The following ILKAP variants were observed in gnomAD, a reference collection of about 807,000 sequenced individuals.
ILKAP encodes integrin-linked kinase-associated serine/threonine phosphatase 2C.
ILKAP carries 11 observed loss-of-function variants against 49.1 expected under a neutral mutation model. That is an observed-to-expected ratio of 0.22 (90% confidence interval 0.14 to 0.37). ILKAP has a LOEUF of 0.37. Ranked by LOEUF, ILKAP falls within the 10% of genes least tolerant of loss-of-function variation. The pLI is 1.00. For synonymous variants in ILKAP, 186 were observed against 192.8 expected (o/e 0.96, Z 0.29); for missense variants, 363 against 510.8 (o/e 0.71, Z 2.79).
At chr2:238,182,260 AGTTAAC>A (rs1163104027) in intron 8 of ILKAP, 74 bp from the exon 9 acceptor site, 1 of 1,552,640 alleles carries the variant, frequency 6.4e-7, no homozygotes, top group East Asian at 2.3e-5. Flanking sequence ...TGAAAAAAAC[AGTTAAC>A]AATGGAGTTT....
intron 10 of ILKAP, among the ~76,000 whole-genome samples, chr2:238,172,885 T>A (rs1487825258): frequency 1.3e-5 from 2 of 152,170 alleles, no homozygotes; most frequent in African/African-American, 2.4e-5. Context: ...CCAGGGCTGC[T>A]GCACCGCTGC....
At chr2:238,199,168 C>T (rs759376970) in intron 1 of ILKAP, among the ~76,000 whole-genome samples, 2 of 152,228 alleles carry the variant, frequency 1.3e-5, no homozygotes, top group Non-Finnish European at 2.9e-5. Context: ...CTCCAACAGC[C>T]ACACATGGGA....
intron 9 of ILKAP, among the ~76,000 whole-genome samples, chr2:238,180,314 C>T (rs1055959705): frequency 6.6e-6 from 1 of 152,208 alleles, no homozygotes; most frequent in African/African-American, 2.4e-5. Context: ...TATTAGATAA[C>T]TTAACCTAAG....
At position 238,172,760 on chromosome 2, in the gene ILKAP, C is replaced by A. The variant is rs147630058; in HGVS notation, c.956+774G>T. On this transcript the variant is annotated intron_variant, in intron 10 of 11. Coordinates refer to ENST00000254654, the MANE Select transcript of ILKAP (RefSeq NM_030768.3). ...GCAGCACTCGGAGGCCCACTCGCCA[C>A]AGTGCCACTAGTGTCTCTGGCCTCC... is the stretch of plus-strand genomic sequence containing the variant. 4.9e-3 allele frequency among the ~76,000 whole-genome samples: 752 copies of A among 152,352 alleles called. 7 individuals carry two copies. Among genetic ancestry groups the A allele is most frequent in the Non-Finnish European group, 9.3e-3 (632 of 68,032 alleles).
intron 1 of ILKAP, among the ~76,000 whole-genome samples, chr2:238,203,247 G>C (rs1694651506): frequency 1.3e-5 from 2 of 151,028 alleles, no homozygotes; most frequent in Admixed American, 1.3e-4. Flanking sequence ...CCGTGGCCAC[G>C]ACGGCTCGGC....
intron 1 of ILKAP, among the ~76,000 whole-genome samples, chr2:238,198,567 T>G (rs763161065): frequency 5.9e-5 from 9 of 152,128 alleles, no homozygotes; most frequent in Non-Finnish European, 1.3e-4. Context: ...TAAACTGAAA[T>G]TCAAAGCATT....
At chr2:238,171,658 G>A (rs1461545286) in intron 10 of ILKAP, among the ~76,000 whole-genome samples, 2 of 152,146 alleles carry the variant, frequency 1.3e-5, no homozygotes, top group East Asian at 3.8e-4. Flanking sequence ...ATAAAAACAT[G>A]GGTGTTATGG....
intron 9 of ILKAP, among the ~76,000 whole-genome samples, chr2:238,174,604 G>C (rs1397294474): frequency 3.3e-5 from 5 of 152,206 alleles, no homozygotes; most frequent in Non-Finnish European, 7.3e-5. Context: ...TGTCCTAAAG[G>C]CAGAATTCAG....
At position 238,198,402 on chromosome 2, in the gene ILKAP, C is replaced by T. The variant is rs79564474; in HGVS notation, c.56-3532G>A. On this transcript the variant is annotated intron_variant, in intron 1 of 11. Transcript: ENST00000254654. ...TACAGGCATACACCACCATGCCCAG[C>T]TAATTTTTTAACTTTTTGTAGAGAC... Among the ~76,000 whole-genome samples the T allele has an allele frequency of 6.4e-3, 967 of 150,540 alleles. 10 individuals are homozygous for T. Among genetic ancestry groups the T allele is most frequent in the African/African-American group, 0.023 (916 of 39,980 alleles).
chr2:238,198,550 T>C (rs1048708580), intron 1 of ILKAP, among the ~76,000 whole-genome samples: 1 of 152,192 alleles, frequency 6.6e-6, no homozygotes, highest in Non-Finnish European at 1.5e-5. Flanking sequence ...TTACATTCTA[T>C]TTTGAATAAA....
At chr2:238,189,670 T>C (rs1694042724) in intron 4 of ILKAP, 183 bp downstream of exon 4, 3 of 498,536 alleles carry the variant, frequency 6.0e-6, no homozygotes, top group South Asian at 2.4e-5. Flanking sequence ...CAGAGATAGA[T>C]GTACATGAAA....
rs1694058815 is a variant in ILKAP at position 238,190,049 on chromosome 2, C to T, written c.179-77G>A. 1.0e-5 allele frequency: 15 copies of T among 1,494,518 alleles called. No individual in the cohort carries two copies. The South Asian group carries it at 1.7e-4, about 17-fold the overall frequency. The allele number at this position is 1,494,518 out of a possible 1,614,324, so 92.6% of individuals were successfully genotyped here. On this transcript the variant is annotated intron_variant, in intron 3 of 11. Coordinates refer to ENST00000254654, the MANE Select transcript of ILKAP (RefSeq NM_030768.3). ...AAGTCACTAGTAGACTGGGCTTCAT[C>T]CTAGCACTCAAAGACAAGGTCATTT...
intron 5 of ILKAP, among the ~76,000 whole-genome samples, chr2:238,187,568 T>C (rs1255196587): frequency 6.6e-6 from 1 of 152,236 alleles, no homozygotes; most frequent in Non-Finnish European, 1.5e-5. Flanking sequence ...TTGCAGCTAA[T>C]TTTTCATTGT....
intron 8 of ILKAP, 115 bp downstream of exon 8, chr2:238,183,538 G>A (rs1335012960): frequency 1.3e-6 from 1 of 758,454 alleles, no homozygotes; most frequent in South Asian, 1.6e-5. Context: ...AGCAACCCCA[G>A]AAGAAAGGTT....
chr2:238,180,881 G>T (rs1305790390), intron 9 of ILKAP, among the ~76,000 whole-genome samples: 1 of 152,250 alleles, frequency 6.6e-6, no homozygotes, highest in Admixed American at 6.5e-5. Context: ...TTACAAGAAA[G>T]GGGAGAAGAG....
At chr2:238,190,885 A>T (rs931738181) in intron 3 of ILKAP, among the ~76,000 whole-genome samples, 2 of 142,884 alleles carry the variant, frequency 1.4e-5, no homozygotes, top group African/African-American at 5.6e-5. Flanking sequence ...TTTAAAAAAA[A>T]AAAAAAAAAA....
chr2:238,172,658 C>A (rs988782355), intron 10 of ILKAP, among the ~76,000 whole-genome samples: 1 of 152,218 alleles, frequency 6.6e-6, no homozygotes, highest in African/African-American at 2.4e-5. Context: ...GGGGCAGTGG[C>A]TCAAGACAAG....
chr2:238,194,683 C>G lies in ILKAP; in HGVS notation c.121+122G>C, dbSNP rs561272693. On this transcript the variant is annotated intron_variant, in intron 2 of 11. Coordinates refer to ENST00000254654, the MANE Select transcript of ILKAP (RefSeq NM_030768.3). Reference sequence around the variant, plus strand: ...ATGCCATGGATTCAAAACTTAAAGACAGTCCAACACCTAAAACATCTGTGT... The same window carrying G: ...ATGCCATGGATTCAAAACTTAAAGAGAGTCCAACACCTAAAACATCTGTGT... 507 of 990,726 alleles carry G rather than the reference C, an allele frequency of 5.1e-4. 6 individuals carry two copies. In the South Asian group the frequency reaches 7.5e-3, roughly 15 times the overall value. The allele number at this position is 990,726 out of a possible 1,614,324, so 61.4% of individuals were successfully genotyped here.
rs764050672 is a variant in ILKAP at position 238,183,719 on chromosome 2, C to T, written c.648G>A (p.Gly216=). The part of the protein sequence containing the change: ...ASSQKPAWKD[G]STATCVLAVD... Reference sequence around the variant, plus strand: ...CAGCCAGAACACACGTGGCAGTGGACCCATCTTTCCAGGCAGGCTTCCTGG... The same window carrying T: ...CAGCCAGAACACACGTGGCAGTGGATCCATCTTTCCAGGCAGGCTTCCTGG... Residue 216 remains glycine (G), a synonymous_variant, in exon 8 of 12, where the codon GGG becomes GGA. Transcript: ENST00000254654. The T allele has an allele frequency of 1.2e-6, 2 of 1,612,516 alleles. No homozygotes were observed. The highest frequency in any genetic ancestry group is 1.7e-6 in the Non-Finnish European group (2 of 1,179,598).
Sources: gnomAD v4.1 joint callset for allele counts (sites outside exome capture counted in the v4.1 genomes callset) on GRCh38, gnomAD v4.1.1 for gene constraint, MANE v1.5 for transcripts, NCBI Gene and HGNC (gene_info 2026-07-23, HGNC 2026-07-21) for gene names.